Variants in CHADL observed in about 807,000 individuals in gnomAD.
The protein encoded by CHADL is chondroadherin like, also known as chondroadherin-like protein.
CHADL carries 48 observed loss-of-function variants against 52.1 expected under a neutral mutation model. The observed-to-expected ratio is 0.92, with a 90% CI of 0.73 to 1.17. CHADL has a LOEUF of 1.17. Ranked by LOEUF, CHADL falls within the 50% of genes most tolerant of loss-of-function variation. The probability of loss-of-function intolerance (pLI) is 0.00; values close to 1 mark genes in which losing one functional copy is unlikely to be tolerated. For missense variants in CHADL, 977 were observed against 1,035.1 expected (o/e 0.94, Z 0.77); for synonymous variants, 498 against 511.2 (o/e 0.97, Z 0.35).
Position 41,238,916 on chromosome 22 carries a change from G to A in CHADL, c.187-31C>T, listed in dbSNP as rs1277915310. 6.6e-7 allele frequency: 1 copy of A among 1,506,782 alleles called. No homozygotes were observed. The highest frequency in any genetic ancestry group is 2.1e-5 in the Admixed American group (1 of 47,738). 93.3% of individuals were successfully genotyped at this position (1,506,782 alleles called of 1,614,324 possible). A position where few individuals can be genotyped will look rare whatever the true frequency, so the allele number is the denominator to read the frequency against. On this transcript the variant is annotated intron_variant, in intron 2 of 5. Coordinates refer to ENST00000216241, the MANE Select transcript of CHADL (RefSeq NM_138481.2). The surrounding 1 kb of genome is among the most constrained non-coding windows in gnomAD (Gnocchi z 4.9). ...GACAGCGAGGAGAAAGTGGGGCTGA[G>A]CCAGGCAGGGACCCCGCCTTTGCAA...
chr22:41,232,059 G>A (rs189116946), intron 5 of CHADL, among the ~76,000 whole-genome samples: 174 of 152,316 alleles, frequency 1.1e-3, no homozygotes, highest in Middle Eastern at 3.4e-3. Flanking sequence ...GTTGCCGGGC[G>A]CGGTGGCTCA....
At chr22:41,236,284 C>A (rs547309903) in intron 4 of CHADL, among the ~76,000 whole-genome samples, 200 bp downstream of exon 4, 23 of 152,338 alleles carry the variant, frequency 1.5e-4, no homozygotes, top group African/African-American at 5.1e-4. Flanking sequence ...AATCAAGGCT[C>A]AGAGAAGTCC....
Position 41,237,603 on chromosome 22 carries a change from G to T in CHADL, c.1469C>A (p.Ala490Asp). 6.4e-7 allele frequency: 1 copy of T among 1,550,510 alleles called. No homozygotes were observed. The highest frequency in any genetic ancestry group is 8.7e-7 in the Non-Finnish European group (1 of 1,146,904). Residue 490 changes from alanine to aspartate, a missense_variant, in exon 3 of 6, where the codon GCT (alanine) becomes GAT (aspartate). Transcript: ENST00000216241. ...GCGGGGAGCCCCTTCAAGGGCAGCA[G>T]CGCTGAGGCCTGCGAGCTGGTTGTC... ...LSDNQLAGLSAAALEGAPRLG... is the reference protein window; with the variant it reads ...LSDNQLAGLSDAALEGAPRLG...
chr22:41,230,266 A>T, intron 5 of CHADL: 1 of 1,601,626 alleles, frequency 6.2e-7, no homozygotes, highest in Non-Finnish European at 8.6e-7. Flanking sequence ...TCCTGCCTCC[A>T]GCCTGGCTTC....
rs1204315552 is a variant in CHADL at position 41,235,284 on chromosome 22, C to A, written c.2123G>T (p.Arg708Leu). 1 of 1,551,166 alleles carries A rather than the reference C, an allele frequency of 6.4e-7. No homozygotes were observed. The highest frequency in any genetic ancestry group is 1.4e-5 in the African/African-American group (1 of 73,072). Residue 708 changes from arginine (R) to leucine (L), a missense_variant, in exon 5 of 6, where the codon CGT becomes CTT. Transcript: ENST00000216241. ...AGCTGCAGCCTTCACCCTCTGGCCA[C>A]GGGCATTGGGAGGGGTGGCGCAGGT... ...GATCATPPNA[R>L]GQRVKAAAAV...
chr22:41,240,914 G>T lies in CHADL; in HGVS notation c.-33C>A, dbSNP rs6002293. 9 of 1,546,356 alleles carry T rather than the reference G, an allele frequency of 5.8e-6. No individual in the cohort carries two copies. Among genetic ancestry groups the T allele is most frequent in the Non-Finnish European group, 7.0e-6 (8 of 1,146,048 alleles). On this transcript the variant is annotated 5_prime_UTR_variant, in exon 1 of 6. Transcript: ENST00000216241. ...GGAACTGCTGGTCCAGCCTGGAGGCGCAGCGCAGGGACAGGCTGTCCCCGC... is the reference window on the plus strand; with the variant it reads ...GGAACTGCTGGTCCAGCCTGGAGGCTCAGCGCAGGGACAGGCTGTCCCCGC...
chr22:41,231,623 A>G (rs2032591933), intron 5 of CHADL, among the ~76,000 whole-genome samples: 1 of 152,252 alleles, frequency 6.6e-6, no homozygotes. Flanking sequence ...TGGAGATAGA[A>G]GTATTGATCT....
intron 5 of CHADL, chr22:41,230,245 C>A: frequency 6.2e-7 from 1 of 1,612,994 alleles, no homozygotes; most frequent in East Asian, 2.2e-5. Context: ...AGGAAACAGA[C>A]GACTGAGCCT....
intron 5 of CHADL, chr22:41,230,141 A>C (rs545989836): frequency 6.5e-7 from 1 of 1,543,440 alleles, no homozygotes; most frequent in African/African-American, 1.6e-5. Context: ...CTCTTCAGTC[A>C]TTGCTGTGCG....
chr22:41,237,422 G>T lies in CHADL; in HGVS notation c.1650C>A (p.Val550=). The change falls in exon 3 of 6, where the codon GTC becomes GTA. Residue 550 remains valine, a synonymous_variant. Transcript: ENST00000216241. ...CGGTGATGCGGTTTCCACTCAGGTAGACCCAGCGCAAGGCCCGTGTTCTCC... is the reference window on the plus strand; with the variant it reads ...CGGTGATGCGGTTTCCACTCAGGTATACCCAGCGCAAGGCCCGTGTTCTCC... The part of the protein sequence containing the change: ...DLGRTRALRW[V]YLSGNRITEV... 1 of 1,550,552 alleles carries T rather than the reference G, an allele frequency of 6.4e-7. No individual in the cohort carries two copies. The highest frequency in any genetic ancestry group is 8.7e-7 in the Non-Finnish European group (1 of 1,146,962).
rs1204315552 is a variant in CHADL at position 41,235,284 on chromosome 22, C to T, written c.2123G>A (p.Arg708His). 1.3e-6 allele frequency: 2 copies of T among 1,551,284 alleles called. No individual in the cohort carries two copies. Among genetic ancestry groups the T allele is most frequent in the Non-Finnish European group, 1.7e-6 (2 of 1,147,006 alleles). Residue 708 changes from arginine (R) to histidine (H), a missense_variant, in exon 5 of 6, where the codon CGT becomes CAT. Transcript: ENST00000216241. ...AGCTGCAGCCTTCACCCTCTGGCCACGGGCATTGGGAGGGGTGGCGCAGGT... is the reference window on the plus strand; with the variant it reads ...AGCTGCAGCCTTCACCCTCTGGCCATGGGCATTGGGAGGGGTGGCGCAGGT... ...GATCATPPNARGQRVKAAAAV... is the reference protein window; with the variant it reads ...GATCATPPNAHGQRVKAAAAV...
Position 41,237,801 on chromosome 22 carries a change from G to A in CHADL, c.1271C>T (p.Pro424Leu). 6.7e-7 allele frequency: 1 copy of A among 1,498,372 alleles called. No individual in the cohort carries two copies. Among genetic ancestry groups the A allele is most frequent in the Non-Finnish European group, 8.9e-7 (1 of 1,124,964 alleles). The allele number at this position is 1,498,372 out of a possible 1,614,324, so 92.8% of individuals were successfully genotyped here. A position where few individuals can be genotyped will look rare whatever the true frequency, so the allele number is the denominator to read the frequency against. Residue 424 changes from proline to leucine, a missense_variant, in exon 3 of 6, where the codon CCC becomes CTC. Physicochemically the swap from Pro to Leu is moderately conservative, Grantham distance 98. Transcript: ENST00000216241. ...CAGGTCCAGGAGCTGGGTGTCGCTG[G>A]GGAAGCCGCGGGGCACCGCCTGCAG... The part of the protein sequence containing the change: ...CGLQAVPRGF[P>L]SDTQLLDLRR...
intron 4 of CHADL, among the ~76,000 whole-genome samples, chr22:41,236,079 C>T (rs1037345753): frequency 1.3e-5 from 2 of 152,190 alleles, no homozygotes; most frequent in Non-Finnish European, 2.9e-5. Flanking sequence ...ACCATGCTGG[C>T]CAGGCTACTC....
chr22:41,239,163 C>A (rs528987564), intron 2 of CHADL, among the ~76,000 whole-genome samples: 1 of 152,164 alleles, frequency 6.6e-6, no homozygotes, highest in African/African-American at 2.4e-5. Context: ...TGCCACAGCC[C>A]GCCTCTCCAC....
Position 41,240,854 on chromosome 22 carries a change from C to T in CHADL, c.8+20G>A, listed in dbSNP as rs2032850022. 1 of 1,550,958 alleles carries T rather than the reference C, an allele frequency of 6.4e-7. No individual in the cohort carries two copies. The highest frequency in any genetic ancestry group is 1.4e-5 in the African/African-American group (1 of 73,056). ...AGCTGCTCTGAATCCCCCCTTGCAC[C>T]ATCGGGCCCAAAGACTCACCCCTCC... On this transcript the variant is annotated intron_variant, in intron 1 of 5. Transcript: ENST00000216241.
At position 41,236,616 on chromosome 22, in the gene CHADL, C is replaced by G. The variant is rs1173678530; in HGVS notation, c.1931G>C (p.Gly644Ala). The G allele has an allele frequency of 6.5e-7, 1 of 1,550,310 alleles. No individual in the cohort carries two copies. Among genetic ancestry groups the G allele is most frequent in the African/African-American group, 1.4e-5 (1 of 73,036 alleles). The change falls in exon 4 of 6, where the codon GGG becomes GCG. Residue 644 changes from glycine to alanine, a missense_variant. Gly to Ala is a moderately conservative substitution (Grantham distance 60, BLOSUM62 0). Coordinates refer to ENST00000216241, the MANE Select transcript of CHADL (RefSeq NM_138481.2). ...CPGAFSGLGP[G>A]LQSLHLQKNQ... ...CTTCTGCAGGTGCAGGCTCTGGAGC[C>G]CGGGCCCCAGGCCTGAAAAGGCCCC...
In CHADL at chr22:41,229,622, C is replaced by T. The variant is rs563094744; in HGVS notation, c.*82G>A. The T allele has an allele frequency of 6.2e-7, 1 of 1,613,908 alleles. No individual in the cohort carries two copies. The highest frequency in any genetic ancestry group is 1.1e-5 in the South Asian group (1 of 91,068). Reference sequence around the variant, plus strand: ...TGCTGGAGGACGACCCTCAGGGTGCCAGGAAGATCTCGTCGGAGCCTGTTC... The same window carrying T: ...TGCTGGAGGACGACCCTCAGGGTGCTAGGAAGATCTCGTCGGAGCCTGTTC... On this transcript the variant is annotated 3_prime_UTR_variant, in exon 6 of 6. Coordinates refer to ENST00000216241, the MANE Select transcript of CHADL (RefSeq NM_138481.2).
chr22:41,239,492 A>G lies in CHADL; in HGVS notation c.137T>C (p.Val46Ala). Residue 46 changes from valine (V) to alanine (A), a missense_variant, in exon 2 of 6, where the codon GTT becomes GCT. Val to Ala is a moderately conservative substitution (Grantham distance 64, BLOSUM62 0). Transcript: ENST00000216241. The part of the protein sequence containing the change: ...ACICDNSRRH[V>A]ACRYQNLTEV... ...AGTGAGGTTCTGGTACCGGCAGGCA[A>G]CGTGTCGCCTGGAGTTGTCACAGAT... The G allele has an allele frequency of 6.4e-7, 1 of 1,550,644 alleles. No homozygotes were observed. The highest frequency in any genetic ancestry group is 1.2e-5 in the South Asian group (1 of 84,004).
intron 5 of CHADL, among the ~76,000 whole-genome samples, chr22:41,232,331 CAA>C (rs58285002): frequency 0.01 from 1,380 of 133,622 alleles, 14 homozygotes; most frequent in African/African-American, 0.015. Flanking sequence ...GACTCTGTCT[CAA>C]AAAAAAAAAA....
Sources: allele counts gnomAD v4.1 joint callset (sites outside exome capture counted in the v4.1 genomes callset), GRCh38; gene constraint gnomAD v4.1.1; non-coding constraint Gnocchi (gnomAD v3.1); transcripts MANE v1.5; gene names NCBI Gene and HGNC (gene_info 2026-07-23, HGNC 2026-07-21).